ZNF606: variants seen among roughly 807,000 people sequenced by gnomAD.
The protein encoded by ZNF606 is zinc finger protein 606.
ZNF606 carries 37 observed loss-of-function variants against 74.9 expected under a neutral mutation model. The observed-to-expected ratio is 0.49, with a 90% CI of 0.38 to 0.65. ZNF606 has a LOEUF of 0.65. Among genes scored for constraint, ZNF606 ranks in the 30% least tolerant of loss-of-function variants. The pLI is 0.00. For missense variants in ZNF606, 852 were observed against 952.9 expected (o/e 0.89, Z 1.39); for synonymous variants, 328 against 312.4 (o/e 1.05, Z -0.53).
rs565313652 is a variant in ZNF606 at position 57,980,133 on chromosome 19, A to T, written c.547T>A (p.Leu183Ile). The T allele has an allele frequency of 1.2e-6, 2 of 1,614,134 alleles. No homozygotes were observed. The highest frequency in any genetic ancestry group is 3.3e-5 in the Admixed American group (2 of 60,024). The change falls in exon 7 of 7, where the codon TTA (leucine) becomes ATA (isoleucine). Residue 183 changes from leucine (L) to isoleucine (I), a missense_variant. Transcript: ENST00000551380. Reference sequence around the variant, plus strand: ...CTCTGGTTCATGTGGTACATTTCTAATTGGTCTTTACATCCCAAAACTTCT... The same window carrying T: ...CTCTGGTTCATGTGGTACATTTCTATTTGGTCTTTACATCCCAAAACTTCT... Reference protein sequence around the residue: ...RLEVLGCKDQLEMYHMNQSTA... With the variant: ...RLEVLGCKDQIEMYHMNQSTA...
rs1051276272 is a variant in ZNF606, at chr19:57,987,549, C to T, written c.400+658G>A. The stretch of plus-strand genomic sequence containing the variant: ...AGTAAGAAAGAACAAAAGCCCAAGC[C>T]GGGAACGGTGGCTCATGCCTGTAAT... On this transcript the variant is annotated intron_variant, in intron 6 of 6. Transcript: ENST00000551380. Among the ~76,000 whole-genome samples, 4 of 152,208 alleles carry T rather than the reference C, an allele frequency of 2.6e-5. No homozygotes were observed. In the South Asian group the frequency reaches 6.2e-4, roughly 24 times the overall value.
chr19:57,996,729 C>T (rs2073346879), intron 4 of ZNF606, among the ~76,000 whole-genome samples: 1 of 152,150 alleles, frequency 6.6e-6, no homozygotes, highest in African/African-American at 2.4e-5. Context: ...GAGAAGAGTA[C>T]TGCTACAGGG....
chr19:57,994,674 A>C (rs2073308130), intron 4 of ZNF606, among the ~76,000 whole-genome samples: 1 of 152,234 alleles, frequency 6.6e-6, no homozygotes, highest in African/African-American at 2.4e-5. Context: ...CAATAAAGAC[A>C]TCAAAAGGTA....
At chr19:58,000,028 G>A in intron 3 of ZNF606, 132 bp from the exon 4 acceptor site, 1 of 730,666 alleles carries the variant, frequency 1.4e-6, no homozygotes, top group East Asian at 2.7e-5. Flanking sequence ...TCATTCTATA[G>A]ATGAAGGAAT....
chr19:57,978,705 T>C lies in ZNF606; in HGVS notation c.1975A>G (p.Lys659Glu). Residue 659 changes from lysine to glutamate, a missense_variant, in exon 7 of 7, where the codon AAA (lysine) becomes GAA (glutamate). Around this residue, in one of 3 missense-constraint regions of ZNF606, gnomAD observed 243 missense variants for 359.2 expected, o/e 0.68. Coordinates refer to ENST00000551380, the MANE Select transcript of ZNF606 (RefSeq NM_001348022.3). This position sits in a 1 kb window ranked among gnomAD's most constrained non-coding sequence, Gnocchi z 4.4. Reference protein sequence around the residue: ...EKPYECNKCGKSFSQSCHLVA... With the variant: ...EKPYECNKCGESFSQSCHLVA... ...AGGTGACAGCTCTGACTGAAGGATT[T>C]TCCACATTTATTGCATTCATAGGGT... 6.2e-7 allele frequency: 1 copy of C among 1,614,210 alleles called. No individual in the cohort carries two copies. The highest frequency in any genetic ancestry group is 8.5e-7 in the Non-Finnish European group (1 of 1,180,036).
intron 1 of ZNF606, chr19:58,001,966 G>A: frequency 2.8e-6 from 1 of 351,770 alleles, no homozygotes; most frequent in South Asian, 2.1e-5. Context: ...CTTAGAGATG[G>A]GCCTGGCGCC....
intron 4 of ZNF606, among the ~76,000 whole-genome samples, chr19:57,994,949 C>T (rs1169957747): frequency 1.3e-5 from 2 of 151,786 alleles, no homozygotes; most frequent in African/African-American, 4.8e-5. Flanking sequence ...TTTGGGAGGC[C>T]GAGGCAGGTG....
At chr19:58,000,633 G>A (rs1440974034) in intron 3 of ZNF606, 50 bp downstream of exon 3, 2 of 1,600,820 alleles carry the variant, frequency 1.2e-6, no homozygotes, top group South Asian at 1.1e-5. Context: ...GAGCACTACA[G>A]CCAGAGGCCA....
chr19:57,989,661 G>A (rs569866975), intron 4 of ZNF606, among the ~76,000 whole-genome samples: 1 of 151,830 alleles, frequency 6.6e-6, no homozygotes, highest in Non-Finnish European at 1.5e-5. Flanking sequence ...TGGCCAGGCT[G>A]GTCTCGAACT....
chr19:57,984,643 C>G (rs1224102136), intron 6 of ZNF606, among the ~76,000 whole-genome samples: 4 of 152,204 alleles, frequency 2.6e-5, no homozygotes, highest in African/African-American at 9.7e-5. Context: ...TAAAGAAACT[C>G]TGTTATGCAT....
chr19:57,977,538 C>A lies in ZNF606; in HGVS notation c.*763G>T, dbSNP rs2073008612. On this transcript the variant is annotated 3_prime_UTR_variant, in exon 7 of 7. Coordinates refer to ENST00000551380, the MANE Select transcript of ZNF606 (RefSeq NM_001348022.3). The stretch of plus-strand genomic sequence containing the variant: ...CATGTTATGTATACTGATGCAGTGT[C>A]CATAATTATAATTTATAGTGATTGC... The A allele has an allele frequency of 2.0e-5, 3 of 152,054 alleles. No homozygotes were observed. The highest frequency in any genetic ancestry group is 6.6e-5 in the Admixed American group (1 of 15,266). 9.4% of individuals were successfully genotyped at this position (152,054 alleles called of 1,614,324 possible).
At chr19:57,987,744 C>T (rs2073186059) in intron 6 of ZNF606, among the ~76,000 whole-genome samples, 1 of 152,144 alleles carries the variant, frequency 6.6e-6, no homozygotes, top group Non-Finnish European at 1.5e-5. Context: ...GGGAGAATCG[C>T]TTGAACCCGG....
At chr19:57,991,652 C>T (rs112184398) in intron 4 of ZNF606, among the ~76,000 whole-genome samples, 5 of 152,030 alleles carry the variant, frequency 3.3e-5, no homozygotes, top group South Asian at 4.2e-4. Context: ...TGGTGGTGCA[C>T]GCCTATAATC....
At chr19:58,000,792 C>T (rs117174477) in intron 2 of ZNF606, 53 bp from the exon 3 acceptor site, 28 of 1,481,908 alleles carry the variant, frequency 1.9e-5, no homozygotes, top group East Asian at 9.4e-5. Context: ...TGATTCAAGG[C>T]GACAAAATAC....
chr19:57,983,214 C>T (rs1306743038), intron 6 of ZNF606, among the ~76,000 whole-genome samples: 4 of 152,084 alleles, frequency 2.6e-5, no homozygotes, highest in Middle Eastern at 3.2e-3. Flanking sequence ...CAAGAAAGTA[C>T]GGTCTCCCTG....
At chr19:57,994,518 A>C (rs553429630) in intron 4 of ZNF606, among the ~76,000 whole-genome samples, 1 of 152,372 alleles carries the variant, frequency 6.6e-6, no homozygotes, top group South Asian at 2.1e-4. Context: ...CCACCAGTTA[A>C]GACAAGCTAC....
intron 2 of ZNF606, 137 bp from the exon 3 acceptor site, chr19:58,000,876 A>G: frequency 1.3e-6 from 1 of 759,640 alleles, no homozygotes; most frequent in Non-Finnish European, 2.0e-6. Flanking sequence ...AAAAAAATGC[A>G]ACATAAGCTG....
intron 2 of ZNF606, 131 bp downstream of exon 2, chr19:58,001,158 G>T: frequency 9.2e-7 from 1 of 1,086,106 alleles, no homozygotes; most frequent in Non-Finnish European, 1.3e-6. Context: ...CCACCAATCA[G>T]TTCTAATTTT....
intron 6 of ZNF606, among the ~76,000 whole-genome samples, chr19:57,981,900 A>G (rs1791483120): frequency 6.6e-6 from 1 of 152,236 alleles, no homozygotes; most frequent in Non-Finnish European, 1.5e-5. Flanking sequence ...TGCTATCCTT[A>G]GAGAGCTTTT....
Sources: allele counts gnomAD v4.1 joint callset (sites outside exome capture counted in the v4.1 genomes callset), GRCh38; gene constraint gnomAD v4.1.1; regional missense constraint gnomAD v4.1.1; non-coding constraint Gnocchi (gnomAD v3.1); transcripts MANE v1.5; gene names NCBI Gene and HGNC (gene_info 2026-07-23, HGNC 2026-07-21).